BEND3: variants seen among roughly 807,000 people sequenced by gnomAD.
BEND3 encodes the protein BEN domain-containing protein 3.
In BEND3, 13 loss-of-function variants were observed where a neutral mutation model predicts 60.1. The observed-to-expected ratio is 0.22, with a 90% CI of 0.14 to 0.34. BEND3 has a LOEUF of 0.34. Ranked by LOEUF, BEND3 falls within the 10% of genes least tolerant of loss-of-function variation. BEND3 has a pLI of 1.00. For missense variants in BEND3, 896 were observed against 1,138.1 expected (o/e 0.79, Z 3.06); for synonymous variants, 497 against 491.5 (o/e 1.01, Z -0.15).
chr6:107,107,528 T>C (rs535677708), intron 1 of BEND3, among the ~76,000 whole-genome samples: 2 of 152,190 alleles, frequency 1.3e-5, no homozygotes, highest in East Asian at 3.9e-4. Context: ...AGTGGCACAA[T>C]CTTGGCTCAC....
chr6:107,077,913 G>A (rs1019416656), intron 3 of BEND3, among the ~76,000 whole-genome samples: 3 of 152,064 alleles, frequency 2.0e-5, no homozygotes, highest in Non-Finnish European at 4.4e-5. Context: ...ACAAACCACA[G>A]AGACATTTTA....
rs1258340102 is a variant in BEND3, at chr6:107,069,608, T to G, written c.1583A>C (p.Lys528Thr). The change falls in exon 4 of 4, where the codon AAG (lysine) becomes ACG (threonine). Residue 528 changes from lysine to threonine, a missense_variant. Physicochemically the swap from Lys to Thr is moderately conservative, Grantham distance 78. Coordinates refer to ENST00000369042, the MANE Select transcript of BEND3 (RefSeq NM_001367314.1). ...GAAGTCGATGGGCACCAGCCAGATCTTCTTGGAGCGGCGACCCGGCCGCTC... is the reference window on the plus strand; with the variant it reads ...GAAGTCGATGGGCACCAGCCAGATCGTCTTGGAGCGGCGACCCGGCCGCTC... ...EGERPGRRSK[K>T]IWLVPIDFDK... 6.2e-7 allele frequency: 1 copy of G among 1,612,198 alleles called. No homozygotes were observed. The highest frequency in any genetic ancestry group is 1.3e-5 in the African/African-American group (1 of 74,950).
chr6:107,070,033 G>A lies in BEND3; in HGVS notation c.1158C>T (p.Ile386=), dbSNP rs782431669. Residue 386 remains isoleucine (I), a synonymous_variant, in exon 4 of 4, where the codon ATC becomes ATT. Transcript: ENST00000369042. The surrounding 1 kb of genome is among the most constrained non-coding windows in gnomAD (Gnocchi z 6.9). ...EALSLDRSST[I]ASDHVVDTQD... is the part of the protein sequence containing the mutation. Reference sequence around the variant, plus strand: ...GCGTGTCCACCACGTGGTCTGAGGCGATGGTGCTGCTCCGGTCAAGAGACA... The same window carrying A: ...GCGTGTCCACCACGTGGTCTGAGGCAATGGTGCTGCTCCGGTCAAGAGACA... The A allele has an allele frequency of 1.4e-5, 23 of 1,613,674 alleles. No individual in the cohort carries two copies. Among genetic ancestry groups the A allele is most frequent in the South Asian group, 7.7e-5 (7 of 91,090 alleles).
Position 107,069,466 on chromosome 6 carries a change from C to T in BEND3, c.1725G>A (p.Ser575=). ...ESSLSIGNFA[S]RLLVHLFPEL... Reference sequence around the variant, plus strand: ...CGGGGAACAGGTGCACCAGCAGGCGCGAGGCGAAGTTGCCGATGGACAGGC... The same window carrying T: ...CGGGGAACAGGTGCACCAGCAGGCGTGAGGCGAAGTTGCCGATGGACAGGC... Residue 575 remains serine, a synonymous_variant, in exon 4 of 4, where the codon TCG becomes TCA. Transcript: ENST00000369042. The T allele has an allele frequency of 4.3e-6, 7 of 1,612,522 alleles. No homozygotes were observed. Among genetic ancestry groups the T allele is most frequent in the Non-Finnish European group, 5.1e-6 (6 of 1,179,956 alleles).
At chr6:107,077,760 A>G (rs1173146363) in intron 3 of BEND3, among the ~76,000 whole-genome samples, 2 of 152,298 alleles carry the variant, frequency 1.3e-5, no homozygotes, top group East Asian at 3.9e-4. Flanking sequence ...TCTGAGCCTC[A>G]TTAAAATGGG....
At chr6:107,075,460 G>C (rs1354351333) in intron 3 of BEND3, among the ~76,000 whole-genome samples, 7 of 152,094 alleles carry the variant, frequency 4.6e-5, no homozygotes, top group Non-Finnish European at 7.4e-5. Flanking sequence ...CAAATACAAA[G>C]TGCCTTACTT....
At chr6:107,092,385 C>T (rs781923050) in intron 3 of BEND3, among the ~76,000 whole-genome samples, 41 of 152,148 alleles carry the variant, frequency 2.7e-4, no homozygotes, top group Non-Finnish European at 5.9e-5. Context: ...ATCACATGAT[C>T]ATGTCAATAA....
chr6:107,073,031 A>G lies in BEND3; in HGVS notation c.241-2081T>C, dbSNP rs529045150. Among the ~76,000 whole-genome samples the G allele has an allele frequency of 9.6e-4, 146 of 151,592 alleles. 3 individuals are homozygous for G. The South Asian group carries it at 0.013, about 13-fold the overall frequency. ...ACTTCCTAGACTCTCTCTTTTGGAT[A>G]ATAGAATAATCTGACTCATATTAGA... On this transcript the variant is annotated intron_variant, in intron 3 of 3. Coordinates refer to ENST00000369042, the MANE Select transcript of BEND3 (RefSeq NM_001367314.1).
At chr6:107,107,329 TGG>T (rs1554237668) in intron 1 of BEND3, among the ~76,000 whole-genome samples, 1 of 151,344 alleles carries the variant, frequency 6.6e-6, no homozygotes, top group African/African-American at 2.5e-5. Context: ...TAATAGGAGC[TGG>T]ACACATCTAC....
At chr6:107,074,968 G>A (rs929585807) in intron 3 of BEND3, among the ~76,000 whole-genome samples, 7 of 152,060 alleles carry the variant, frequency 4.6e-5, no homozygotes, top group African/African-American at 1.7e-4. Flanking sequence ...GGGAGTGGTA[G>A]CACACGCCTG....
At position 107,101,366 on chromosome 6, in the gene BEND3, A is replaced by G. The variant is rs550087761; in HGVS notation, c.-11-2070T>C. 4.5e-4 allele frequency among the ~76,000 whole-genome samples: 69 copies of G among 152,320 alleles called. 1 individual carries two copies. The highest frequency in any genetic ancestry group is 1.9e-3 in the South Asian group (9 of 4,826). The stretch of plus-strand genomic sequence containing the variant: ...GAGGGAGAGTGTGTCTGGGTGATCC[A>G]TGAGCACAATCATCACTGCAAAGGT... On this transcript the variant is annotated intron_variant, in intron 1 of 3. Transcript: ENST00000369042.
At chr6:107,085,509 TGA>T (rs1306565839) in intron 3 of BEND3, among the ~76,000 whole-genome samples, 1 of 152,158 alleles carries the variant, frequency 6.6e-6, no homozygotes, top group Non-Finnish European at 1.5e-5. Context: ...TATTTTTTTT[TGA>T]GAGAGAGTCT....
rs1554236483 is a variant in BEND3, at chr6:107,099,281, T to C, written c.5A>G (p.Asn2Ser). Reference protein sequence around the residue: MNSTEFTEDVEE... With the variant: MSSTEFTEDVEE... ...TACATCTTCGGTGAATTCAGTTGAG[T>C]TCATCTTCTATTCCGCTAAATAAAA... Residue 2 changes from asparagine to serine, a missense_variant, in exon 2 of 4, where the codon AAC becomes AGC. Physicochemically the swap from Asn to Ser is conservative, Grantham distance 46. Around this residue, in one of 4 missense-constraint regions of BEND3, gnomAD observed 846 missense variants for 1,036.7 expected, o/e 0.82. Transcript: ENST00000369042. 7 of 1,610,766 alleles carry C rather than the reference T, an allele frequency of 4.3e-6. No homozygotes were observed. In the East Asian group the frequency reaches 1.1e-4, roughly 26 times the overall value.
chr6:107,114,601 G>A (rs1195794228), intron 1 of BEND3, among the ~76,000 whole-genome samples: 1 of 149,686 alleles, frequency 6.7e-6, no homozygotes, highest in Non-Finnish European at 1.5e-5. Context: ...TCCACACGCC[G>A]AGCAGTGCCC....
chr6:107,098,681 C>A lies in BEND3; in HGVS notation c.110G>T (p.Arg37Met). ...DAALDCSVNS[R>M]TSEKHSVDSV... ...GTCCACAGAGTGCTTCTCAGAAGTC[C>A]TGGAATTCACGGAGCAGTCCAGAGC... The change falls in exon 3 of 4, where the codon AGG becomes ATG. Residue 37 changes from arginine to methionine, a missense_variant. Coordinates refer to ENST00000369042, the MANE Select transcript of BEND3 (RefSeq NM_001367314.1). 1.9e-6 allele frequency: 3 copies of A among 1,614,086 alleles called. No individual in the cohort carries two copies. Among genetic ancestry groups the A allele is most frequent in the Non-Finnish European group, 2.5e-6 (3 of 1,180,024 alleles).
At chr6:107,111,900 T>C (rs1413111914) in intron 1 of BEND3, among the ~76,000 whole-genome samples, 7 of 151,166 alleles carry the variant, frequency 4.6e-5, no homozygotes, top group Non-Finnish European at 1.0e-4. Flanking sequence ...GAGAATCACT[T>C]GAACCCAGGA....
intron 1 of BEND3, among the ~76,000 whole-genome samples, chr6:107,100,616 T>C (rs1398105852): frequency 3.3e-5 from 5 of 152,110 alleles, no homozygotes; most frequent in African/African-American, 1.2e-4. Context: ...CTGCAGGGTC[T>C]GAAGCAAAAC....
intron 1 of BEND3, among the ~76,000 whole-genome samples, chr6:107,110,567 T>C (rs1554238241): frequency 6.6e-6 from 1 of 152,038 alleles, no homozygotes; most frequent in African/African-American, 2.4e-5. Flanking sequence ...GTGACTTTCT[T>C]TTTCTTTTTG....
intron 3 of BEND3, among the ~76,000 whole-genome samples, chr6:107,079,421 T>A (rs568673411): frequency 1.8e-4 from 28 of 152,272 alleles, no homozygotes; most frequent in Middle Eastern, 3.4e-3. Context: ...AGGGTCTAAT[T>A]GAGCTGGTTA....
Sources: gnomAD v4.1 joint callset for allele counts (sites outside exome capture counted in the v4.1 genomes callset) on GRCh38, gnomAD v4.1.1 for gene constraint, gnomAD v4.1.1 regional missense constraint, Gnocchi (gnomAD v3.1) non-coding constraint, MANE v1.5 for transcripts, NCBI Gene and HGNC (gene_info 2026-07-23, HGNC 2026-07-21) for gene names.